Variants in LASP1 observed in about 807,000 individuals in gnomAD.
LASP1 encodes LIM and SH3 protein 1, also known as LIM and SH3 domain protein 1.
Under a neutral mutation model 38.6 loss-of-function variants are expected in LASP1, and 10 were observed. The ratio of observed to expected loss-of-function variants is 0.26; its 90% CI spans 0.16 to 0.44. LASP1 has a LOEUF of 0.44. Ranked by LOEUF, LASP1 falls within the 20% of genes least tolerant of loss-of-function variation. The pLI is 1.00. For synonymous variants in LASP1, 132 were observed against 140.8 expected (o/e 0.94, Z 0.44); for missense variants, 243 against 375.7 (o/e 0.65, Z 2.92).
chr17:38,913,412 G>A (rs1489557522), intron 4 of LASP1, among the ~76,000 whole-genome samples: 1 of 152,202 alleles, frequency 6.6e-6, no homozygotes, highest in Non-Finnish European at 1.5e-5. Flanking sequence ...CTAGGCTGTA[G>A]TACCCACGAC....
At chr17:38,911,332 G>A (rs1186971264) in intron 4 of LASP1, among the ~76,000 whole-genome samples, 3 of 152,200 alleles carry the variant, frequency 2.0e-5, no homozygotes, top group African/African-American at 4.8e-5. Context: ...CTTGAGTGGC[G>A]AGGGTGGGCT....
intron 4 of LASP1, among the ~76,000 whole-genome samples, chr17:38,902,087 G>A (rs1005077668): frequency 2.0e-5 from 3 of 150,886 alleles, no homozygotes; most frequent in Admixed American, 6.6e-5. Context: ...TTTGAGACAG[G>A]GTTTCGCTCC....
chr17:38,905,192 C>A (rs936059850), intron 4 of LASP1, among the ~76,000 whole-genome samples: 11 of 152,038 alleles, frequency 7.2e-5, no homozygotes, highest in African/African-American at 2.7e-4. Flanking sequence ...TTGTACATAT[C>A]TCCTGAGGTC....
intron 4 of LASP1, among the ~76,000 whole-genome samples, chr17:38,900,413 G>T (rs1914610638): frequency 6.7e-6 from 1 of 149,222 alleles, no homozygotes; most frequent in South Asian, 2.1e-4. Flanking sequence ...GGTGGCTCAT[G>T]CCTGTAATCC....
Position 38,920,135 on chromosome 17 carries a change from TG to T in LASP1, c.*1358del, listed in dbSNP as rs1915259121. The T allele has an allele frequency of 1.9e-6, 1 of 536,172 alleles. No individual in the cohort carries two copies. The allele number at this position is 536,172 out of a possible 1,614,324, so 33.2% of individuals were successfully genotyped here. ...TGCAGGGTGGAAGGTAAGAGGTTGG[TG>T]TGGAGTTGGGGCTGCCATAGGGTCT... On this transcript the variant is annotated 3_prime_UTR_variant, in exon 7 of 7. Coordinates refer to ENST00000318008, the MANE Select transcript of LASP1 (RefSeq NM_006148.4).
At position 38,915,030 on chromosome 17, in the gene LASP1, TC is replaced by T. The variant is rs759945768; in HGVS notation, c.509-10del. 6.2e-7 allele frequency: 1 copy of T among 1,613,080 alleles called. No individual in the cohort carries two copies. The highest frequency in any genetic ancestry group is 1.7e-5 in the Admixed American group (1 of 60,002). On this transcript the variant is annotated splice_polypyrimidine_tract_variant and intron_variant, in intron 5 of 6. Transcript: ENST00000318008. ...AGGACAGTTTCCAAGCCCTGTCTCC[TC>T]CCATCTTCCAGTTTACCAGCAGCCC...
intron 3 of LASP1, among the ~76,000 whole-genome samples, chr17:38,897,759 G>A (rs1255693291): frequency 1.3e-5 from 2 of 152,176 alleles, no homozygotes; most frequent in Admixed American, 6.5e-5. Context: ...CAGAATCCGC[G>A]GGGCCTGTCA....
intron 4 of LASP1, among the ~76,000 whole-genome samples, chr17:38,907,252 G>A (rs16968504): frequency 0.026 from 3,995 of 152,218 alleles, 169 homozygotes; most frequent in African/African-American, 0.089. Context: ...CCATTTAGCC[G>A]CTCTGTGCCG....
intron 2 of LASP1, among the ~76,000 whole-genome samples, chr17:38,886,674 G>A (rs1020135516): frequency 6.6e-6 from 1 of 152,050 alleles, no homozygotes; most frequent in Non-Finnish European, 1.5e-5. Flanking sequence ...TGGGTGTAGG[G>A]TGAGCAGAGG....
chr17:38,886,850 C>A (rs945494474), intron 2 of LASP1, among the ~76,000 whole-genome samples: 2 of 152,098 alleles, frequency 1.3e-5, no homozygotes, highest in Non-Finnish European at 2.9e-5. Context: ...GGGTGGGGCA[C>A]GTCAGGTGCA....
chr17:38,870,645 G>C (rs1057443476), intron 1 of LASP1, among the ~76,000 whole-genome samples: 2 of 151,320 alleles, frequency 1.3e-5, no homozygotes, highest in East Asian at 3.9e-4. Context: ...CGAGCGCCAA[G>C]TAGGCGGAAG....
chr17:38,909,408 A>ACCAGCCT (rs1914866270), intron 4 of LASP1, among the ~76,000 whole-genome samples: 1 of 151,994 alleles, frequency 6.6e-6, no homozygotes, highest in Admixed American at 6.6e-5. Context: ...GAAGTTCAAG[A>ACCAGCCT]CCAGCCTGGC....
chr17:38,904,785 C>T (rs4794796), intron 4 of LASP1, among the ~76,000 whole-genome samples: 100,274 of 151,996 alleles, frequency 0.66, 33,450 homozygotes, highest in Middle Eastern at 0.72. Flanking sequence ...GCATTTTATA[C>T]TCTGTAATGA....
At chr17:38,880,612 C>A (rs1913918567) in intron 2 of LASP1, among the ~76,000 whole-genome samples, 1 of 152,204 alleles carries the variant, frequency 6.6e-6, no homozygotes, top group African/African-American at 2.4e-5. Context: ...GTGAGAGAGA[C>A]CTGGGGGCTT....
chr17:38,909,206 C>G (rs1914857698), intron 4 of LASP1, among the ~76,000 whole-genome samples: 1 of 152,224 alleles, frequency 6.6e-6, no homozygotes, highest in Non-Finnish European at 1.5e-5. Context: ...AGCTGTCACT[C>G]TCTTCACTCT....
rs746452006 is a variant in LASP1 at position 38,890,461 on chromosome 17, C to T, written c.206C>T (p.Pro69Leu). 20 of 1,613,896 alleles carry T rather than the reference C, an allele frequency of 1.2e-5. No individual in the cohort carries two copies. The highest frequency in any genetic ancestry group is 4.5e-5 in the East Asian group (2 of 44,886). ...KQSFTMVADTPENLRLKQQSE... is the reference protein window; with the variant it reads ...KQSFTMVADTLENLRLKQQSE... ...TCCTTCACCATGGTGGCGGACACCCCGGAAAACCTTCGCCTCAAGCAACAG... is the reference window on the plus strand; with the variant it reads ...TCCTTCACCATGGTGGCGGACACCCTGGAAAACCTTCGCCTCAAGCAACAG... The change falls in exon 3 of 7, where the codon CCG becomes CTG. Residue 69 changes from proline (P) to leucine (L), a missense_variant. Pro to Leu is a moderately conservative substitution (Grantham distance 98, BLOSUM62 -3). This residue lies in a region of LASP1 where 43 missense variants were observed against 108.3 expected (regional missense o/e 0.40). Transcript: ENST00000318008.
intron 2 of LASP1, among the ~76,000 whole-genome samples, chr17:38,880,023 C>A (rs1259996967): frequency 6.6e-6 from 1 of 152,158 alleles, no homozygotes; most frequent in African/African-American, 2.4e-5. Flanking sequence ...CCCCTCCCAC[C>A]CCCACAAGGG....
Position 38,918,941 on chromosome 17 carries a change from A to G in LASP1, c.*163A>G. On this transcript the variant is annotated 3_prime_UTR_variant, in exon 7 of 7. Coordinates refer to ENST00000318008, the MANE Select transcript of LASP1 (RefSeq NM_006148.4). The surrounding 1 kb of genome is among the most constrained non-coding windows in gnomAD (Gnocchi z 4.4). ...TTGCCAACTGAAGCCTTCTTCTGCC[A>G]CTTCTGCGGGCTCCCTCCTCTGGCA... 4.0e-6 allele frequency: 3 copies of G among 759,356 alleles called. No individual in the cohort carries two copies. The South Asian group carries it at 5.5e-5, about 14-fold the overall frequency. The allele number at this position is 759,356 out of a possible 1,614,324, so 47.0% of individuals were successfully genotyped here.
intron 4 of LASP1, among the ~76,000 whole-genome samples, chr17:38,900,784 T>C (rs1452213817): frequency 6.6e-6 from 1 of 152,236 alleles, no homozygotes; most frequent in Non-Finnish European, 1.5e-5. Flanking sequence ...TGCTTCCCTT[T>C]GGCTAGCAGG....
Sources: gnomAD v4.1 joint callset for allele counts (sites outside exome capture counted in the v4.1 genomes callset) on GRCh38, gnomAD v4.1.1 for gene constraint, gnomAD v4.1.1 regional missense constraint, Gnocchi (gnomAD v3.1) non-coding constraint, MANE v1.5 for transcripts, NCBI Gene and HGNC (gene_info 2026-07-23, HGNC 2026-07-21) for gene names.